Variants in HDAC4 observed in about 807,000 individuals in gnomAD.
The protein encoded by HDAC4 is histone deacetylase 4.
A neutral mutation model predicts 135.1 loss-of-function variants in HDAC4; 16 were observed. That is an observed-to-expected ratio of 0.12 (90% CI 0.08 to 0.18). The LOEUF (loss-of-function observed/expected upper bound fraction) is 0.18. HDAC4 is among the 10% of genes least tolerant of loss of function. HDAC4 has a pLI of 1.00. For synonymous variants in HDAC4, 685 were observed against 653.4 expected (o/e 1.05, Z -0.74); for missense variants, 1,143 against 1,511.8 (o/e 0.76, Z 4.05).
intron 2 of HDAC4, among the ~76,000 whole-genome samples, chr2:239,242,937 G>C (rs2048270485): frequency 6.6e-6 from 1 of 151,862 alleles, no homozygotes; most frequent in Admixed American, 6.6e-5. Flanking sequence ...TTTTTCTCAT[G>C]TCAAACTAAC....
chr2:239,125,117 G>C (rs2040084613), intron 12 of HDAC4, among the ~76,000 whole-genome samples: 1 of 152,270 alleles, frequency 6.6e-6, no homozygotes, highest in African/African-American at 2.4e-5. Context: ...GACTGATACG[G>C]TTTGGATCTG....
chr2:239,153,846 C>T (rs928949178), intron 7 of HDAC4, among the ~76,000 whole-genome samples: 4 of 152,198 alleles, frequency 2.6e-5, no homozygotes, highest in African/African-American at 9.6e-5. Context: ...AAGCCAACAG[C>T]CACGGAATCT....
chr2:239,090,039 C>G lies in HDAC4; in HGVS notation c.2358G>C (p.Leu786=), dbSNP rs1479767728. The G allele has an allele frequency of 1.2e-6, 2 of 1,613,740 alleles. No individual in the cohort carries two copies. The highest frequency in any genetic ancestry group is 3.3e-5 in the Admixed American group (2 of 60,010). Residue 786 remains leucine (L), a synonymous_variant, in exon 18 of 27, where the codon CTG becomes CTC. Coordinates refer to ENST00000543185, the MANE Select transcript of HDAC4 (RefSeq NM_001378414.1). ...GCTCCCCTGTGGCCACCTTGAAGAC[C>G]AGCTCTACCACGCAGCCCACAGCCA... ...ARLAVGCVVE[L]VFKVATGELK... is the part of the protein sequence containing the mutation.
intron 11 of HDAC4, among the ~76,000 whole-genome samples, chr2:239,127,472 G>C (rs2040273628): frequency 1.3e-5 from 2 of 152,158 alleles, no homozygotes; most frequent in Non-Finnish European, 2.9e-5. Context: ...TAAATTGTTG[G>C]TTTAGGTCGT....
chr2:239,329,208 C>G (rs1269390546), intron 2 of HDAC4, among the ~76,000 whole-genome samples: 2 of 152,080 alleles, frequency 1.3e-5, no homozygotes, highest in Non-Finnish European at 2.9e-5. Flanking sequence ...CAGAAGGACT[C>G]AGAAGGGGTC....
chr2:239,294,376 G>T (rs1559337614), intron 2 of HDAC4, among the ~76,000 whole-genome samples: 1 of 152,184 alleles, frequency 6.6e-6, no homozygotes, highest in South Asian at 2.1e-4. Context: ...GAAAGGTTCT[G>T]AAAGCTGTGG....
intron 2 of HDAC4, among the ~76,000 whole-genome samples, chr2:239,327,531 A>G (rs2053506588): frequency 6.6e-6 from 1 of 152,216 alleles, no homozygotes; most frequent in Admixed American, 6.5e-5. Context: ...TTTTTCATTC[A>G]TGAAACTCCC....
intron 5 of HDAC4, among the ~76,000 whole-genome samples, chr2:239,175,437 C>T (rs564629885): frequency 7.4e-4 from 112 of 152,282 alleles, no homozygotes; most frequent in African/African-American, 2.6e-3. Flanking sequence ...TCAGCAGGGG[C>T]GACACTGTTA....
intron 3 of HDAC4, among the ~76,000 whole-genome samples, chr2:239,230,125 G>C (rs1302829987): frequency 6.6e-6 from 1 of 151,998 alleles, no homozygotes; most frequent in Non-Finnish European, 1.5e-5. Flanking sequence ...TGTTAACGCT[G>C]GTCAGCTGGG....
At chr2:239,101,217 C>A (rs1383191792) in intron 16 of HDAC4, among the ~76,000 whole-genome samples, 1 of 152,230 alleles carries the variant, frequency 6.6e-6, no homozygotes, top group Admixed American at 6.5e-5. Flanking sequence ...CTCCATACCA[C>A]AGGGCAGGGG....
chr2:239,217,166 CAG>C lies in HDAC4; in HGVS notation c.94+19425_94+19426del, dbSNP rs1333153898. 2.6e-5 allele frequency among the ~76,000 whole-genome samples: 4 copies of C among 152,196 alleles called. 1 individual carries two copies. The highest frequency in any genetic ancestry group is 5.9e-5 in the Non-Finnish European group (4 of 68,034). ...GGCTCCAAAGGGGACCCGCTGGTGG[CAG>C]AGCCTGAACACAGCACAGGCGGTAG... is the stretch of plus-strand genomic sequence containing the variant. On this transcript the variant is annotated intron_variant, in intron 3 of 26. Coordinates refer to ENST00000543185, the MANE Select transcript of HDAC4 (RefSeq NM_001378414.1).
At chr2:239,388,683 C>T (rs1695994046) in intron 1 of HDAC4, among the ~76,000 whole-genome samples, 2 of 152,192 alleles carry the variant, frequency 1.3e-5, no homozygotes, top group Non-Finnish European at 2.9e-5. Flanking sequence ...CCCTTGGGGT[C>T]ACTGGGCTGC....
intron 22 of HDAC4, among the ~76,000 whole-genome samples, chr2:239,074,286 G>A (rs1331638202): frequency 6.6e-6 from 1 of 152,274 alleles, no homozygotes; most frequent in Non-Finnish European, 1.5e-5. Flanking sequence ...CAGGCGTTTT[G>A]TGTGGACGCT....
intron 9 of HDAC4, among the ~76,000 whole-genome samples, chr2:239,135,717 G>A (rs1298158769): frequency 1.3e-5 from 2 of 152,208 alleles, no homozygotes; most frequent in East Asian, 1.9e-4. Context: ...CTGCAGGGCC[G>A]AGCACCCAGC....
intron 6 of HDAC4, among the ~76,000 whole-genome samples, chr2:239,163,414 T>C (rs2042934656): frequency 6.6e-6 from 1 of 152,056 alleles, no homozygotes; most frequent in Non-Finnish European, 1.5e-5. Flanking sequence ...CCCACTCCCA[T>C]GAGGACGGCC....
chr2:239,105,319 A>G (rs926631981), intron 15 of HDAC4, among the ~76,000 whole-genome samples: 1 of 152,130 alleles, frequency 6.6e-6, no homozygotes, highest in Non-Finnish European at 1.5e-5. Flanking sequence ...AGGCAGGACA[A>G]ACCAAGCTGG....
intron 11 of HDAC4, among the ~76,000 whole-genome samples, chr2:239,127,131 A>C (rs994331891): frequency 6.6e-6 from 1 of 152,196 alleles, no homozygotes; most frequent in African/African-American, 2.4e-5. Context: ...GAGCCTCCAC[A>C]TATTTCCAAA....
At chr2:239,155,951 C>T (rs1322462853) in intron 7 of HDAC4, among the ~76,000 whole-genome samples, 1 of 152,224 alleles carries the variant, frequency 6.6e-6, no homozygotes, top group African/African-American at 2.4e-5. Flanking sequence ...CTTCTTGCTA[C>T]CCCAGCGCAC....
chr2:239,358,400 CTTTTG>C (rs1379891849), intron 1 of HDAC4, among the ~76,000 whole-genome samples: 1 of 152,224 alleles, frequency 6.6e-6, no homozygotes, highest in Non-Finnish European at 1.5e-5. Flanking sequence ...CCAATCCAGT[CTTTTG>C]TTTGTTTGTT....
Sources: allele counts gnomAD v4.1 joint callset (sites outside exome capture counted in the v4.1 genomes callset), GRCh38; gene constraint gnomAD v4.1.1; transcripts MANE v1.5; gene names NCBI Gene and HGNC (gene_info 2026-07-23, HGNC 2026-07-21).